SLC14A2: variants seen among roughly 807,000 people sequenced by gnomAD.
The protein encoded by SLC14A2 is urea transporter 2.
Under a neutral mutation model 104.6 loss-of-function variants are expected in SLC14A2, and 91 were observed. That is an observed-to-expected ratio of 0.87 (90% CI 0.73 to 1.04). SLC14A2 has a LOEUF of 1.04. SLC14A2 is among the 50% of genes least tolerant of loss of function. The pLI, the probability that SLC14A2 is intolerant of heterozygous loss-of-function variation, is 0.00. For synonymous variants in SLC14A2, 476 were observed against 466.4 expected, an observed-to-expected ratio of 1.02 and a Z score of -0.27; for missense variants, 1,189 against 1,156.0, an observed-to-expected ratio of 1.03 and a Z score of -0.41.
At chr18:45,181,077 T>C in the SLC14A2 span, 1 of 152,480 alleles carries the variant, frequency 6.6e-6, no homozygotes, top group Non-Finnish European at 1.5e-5. Context: ...ATAGGACTTG[T>C]TCCCTCACTG....
chr18:45,617,965 A>C (rs928822002), intron 1 of SLC14A2, among the ~76,000 whole-genome samples: 1 of 152,166 alleles, frequency 6.6e-6, no homozygotes, highest in African/African-American at 2.4e-5. Context: ...CTTAGGATCA[A>C]CCTCTGAAGT....
chr18:45,408,561 C>T (rs987593288), intron 1 of SLC14A2, among the ~76,000 whole-genome samples: 38 of 152,098 alleles, frequency 2.5e-4, no homozygotes, highest in Admixed American at 1.6e-3. Flanking sequence ...TTGCTTCTCA[C>T]GTGGTAATTG....
intron 1 of SLC14A2, among the ~76,000 whole-genome samples, chr18:45,275,638 A>G (rs1447084583): frequency 6.6e-6 from 1 of 152,224 alleles, no homozygotes. Context: ...AAAATTGTGC[A>G]TGCTTATTTA....
intron 2 of SLC14A2, among the ~76,000 whole-genome samples, chr18:45,490,830 A>G (rs2042983957): frequency 6.6e-6 from 1 of 152,254 alleles, no homozygotes. Context: ...GGCAGTTCAC[A>G]GAAATGGAAA....
chr18:45,365,949 C>G (rs563971367), intron 1 of SLC14A2, among the ~76,000 whole-genome samples: 10 of 151,222 alleles, frequency 6.6e-5, no homozygotes, highest in Non-Finnish European at 1.5e-4. Flanking sequence ...CTAGATTATC[C>G]CATAAACAGA....
intron 1 of SLC14A2, among the ~76,000 whole-genome samples, chr18:45,412,756 T>C (rs2144494958): frequency 6.6e-6 from 1 of 152,328 alleles, no homozygotes; most frequent in Non-Finnish European, 1.5e-5. Context: ...CATAGGGACT[T>C]GCCCTTTCCT....
At chr18:45,292,247 C>T (rs2084877595) in intron 1 of SLC14A2, among the ~76,000 whole-genome samples, 1 of 152,186 alleles carries the variant, frequency 6.6e-6, no homozygotes, top group African/African-American at 2.4e-5. Flanking sequence ...CTGGCAGAAT[C>T]ACTTCATAAA....
chr18:45,386,124 A>ACTGGCCTACT (rs2085893605), intron 1 of SLC14A2, among the ~76,000 whole-genome samples: 1 of 152,190 alleles, frequency 6.6e-6, no homozygotes, highest in Non-Finnish European at 1.5e-5. Flanking sequence ...GCATAAGCCA[A>ACTGGCCTACT]GTTATGGAGG....
intron 3 of SLC14A2, among the ~76,000 whole-genome samples, chr18:45,626,205 A>G (rs1291605603): frequency 6.6e-6 from 1 of 152,210 alleles, no homozygotes; most frequent in Non-Finnish European, 1.5e-5. Context: ...TAGCTGAATG[A>G]TCATTCCTTC....
At chr18:45,269,087 T>G (rs1026941051) in intron 1 of SLC14A2, among the ~76,000 whole-genome samples, 2 of 151,700 alleles carry the variant, frequency 1.3e-5, no homozygotes, top group African/African-American at 4.8e-5. Flanking sequence ...GAAACCTGAA[T>G]GATCCAAGCT....
intron 2 of SLC14A2, among the ~76,000 whole-genome samples, chr18:45,580,547 C>T (rs1192578383): frequency 6.6e-6 from 1 of 152,188 alleles, no homozygotes; most frequent in African/African-American, 2.4e-5. Context: ...CAGAAGAAGA[C>T]AGTCTAGGGA....
At chr18:45,389,783 C>G (rs762940722) in intron 1 of SLC14A2, among the ~76,000 whole-genome samples, 1 of 152,154 alleles carries the variant, frequency 6.6e-6, no homozygotes, top group Non-Finnish European at 1.5e-5. Context: ...CCCACACTCA[C>G]CCCCACTCCA....
intron 4 of SLC14A2, among the ~76,000 whole-genome samples, chr18:45,630,998 G>A (rs1241321318): frequency 1.3e-5 from 2 of 152,174 alleles, no homozygotes; most frequent in Non-Finnish European, 2.9e-5. Context: ...CACTACAGAG[G>A]TGAAAGGTCC....
intron 1 of SLC14A2, among the ~76,000 whole-genome samples, chr18:45,227,092 T>C (rs2084126559): frequency 6.6e-6 from 1 of 152,148 alleles, no homozygotes; most frequent in South Asian, 2.1e-4. Context: ...CATCATCATT[T>C]AGCAGGAAAG....
At chr18:45,525,491 C>T (rs1029339127) in intron 2 of SLC14A2, among the ~76,000 whole-genome samples, 7 of 152,170 alleles carry the variant, frequency 4.6e-5, no homozygotes, top group African/African-American at 1.7e-4. Flanking sequence ...GCTCCATTTC[C>T]CTTTATTACT....
intron 1 of SLC14A2, among the ~76,000 whole-genome samples, chr18:45,451,415 T>C (rs2086855730): frequency 6.6e-6 from 1 of 151,880 alleles, no homozygotes; most frequent in South Asian, 2.1e-4. Flanking sequence ...CTAAGAAAAA[T>C]ACAAATTCAA....
At chr18:45,467,318 C>T (rs996274364) in intron 1 of SLC14A2, among the ~76,000 whole-genome samples, 10 of 152,186 alleles carry the variant, frequency 6.6e-5, no homozygotes, top group African/African-American at 2.2e-4. Flanking sequence ...TATCACCCAT[C>T]CCTCAATCCC....
chr18:45,375,605 G>A (rs1332930344), intron 1 of SLC14A2, among the ~76,000 whole-genome samples: 4 of 152,186 alleles, frequency 2.6e-5, no homozygotes, highest in Non-Finnish European at 4.4e-5. Context: ...CTCCTGCACG[G>A]CCGGCTCTGC....
At chr18:45,662,974 C>CCTAT (rs547842735) in intron 10 of SLC14A2, among the ~76,000 whole-genome samples, 87 of 152,172 alleles carry the variant, frequency 5.7e-4, no homozygotes, top group Non-Finnish European at 1.2e-3. Flanking sequence ...ATTGAGAGAC[C>CCTAT]CTATCCCAAG....
Sources: allele counts gnomAD v4.1 joint callset (sites outside exome capture counted in the v4.1 genomes callset), GRCh38; gene constraint gnomAD v4.1.1; transcripts MANE v1.5; gene names NCBI Gene and HGNC (gene_info 2026-07-23, HGNC 2026-07-21).